Variants in FCHSD2 observed in about 807,000 individuals in gnomAD.
FCHSD2 encodes the protein FCH and double SH3 domains 2.
Under a neutral mutation model 108.1 loss-of-function variants are expected in FCHSD2, and 38 were observed. That is an observed-to-expected ratio of 0.35 (90% CI 0.27 to 0.46). The LOEUF is 0.46. Among genes scored for constraint, FCHSD2 ranks in the 20% least tolerant of loss-of-function variants. FCHSD2 has a pLI of 1.00. For missense variants in FCHSD2, 751 were observed against 897.8 expected (o/e 0.84, Z 2.09); for synonymous variants, 279 against 314.7 (o/e 0.89, Z 1.20).
At chr11:73,047,222 A>G (rs565910593) in intron 3 of FCHSD2, among the ~76,000 whole-genome samples, 1 of 152,238 alleles carries the variant, frequency 6.6e-6, no homozygotes, top group South Asian at 2.1e-4. Flanking sequence ...TATTATTTGA[A>G]TTGTTAAAAC....
At chr11:72,991,507 T>C (rs1383939963) in intron 5 of FCHSD2, among the ~76,000 whole-genome samples, 1 of 152,140 alleles carries the variant, frequency 6.6e-6, no homozygotes, top group Non-Finnish European at 1.5e-5. Context: ...CAAAAGCTTA[T>C]CCACCATGAT....
At chr11:72,877,224 T>C (rs921351818) in intron 12 of FCHSD2, among the ~76,000 whole-genome samples, 1 of 152,094 alleles carries the variant, frequency 6.6e-6, no homozygotes, top group African/African-American at 2.4e-5. Flanking sequence ...TGTTCTCCTG[T>C]GATAAGCAAC....
At chr11:73,082,335 CAAAAAAAAAAAAAAAAAA>C (rs750423401) in intron 3 of FCHSD2, among the ~76,000 whole-genome samples, 4 of 34,462 alleles carry the variant, frequency 1.2e-4, no homozygotes, top group African/African-American at 3.2e-4. Context: ...AGACTTGTCC[CAAAAAAAAAAAAAAAAAA>C]AAAAAAAAAG....
chr11:73,141,964 A>T lies in FCHSD2; in HGVS notation c.-87T>A, dbSNP rs1861259781. The T allele has an allele frequency of 3.7e-6, 5 of 1,348,464 alleles. No individual in the cohort carries two copies. The highest frequency in any genetic ancestry group is 5.1e-6 in the Non-Finnish European group (5 of 987,614). 83.5% of individuals were successfully genotyped at this position (1,348,464 alleles called of 1,614,324 possible). A position where few individuals can be genotyped will look rare whatever the true frequency, so the allele number is the denominator to read the frequency against. On this transcript the variant is annotated 5_prime_UTR_variant, in exon 1 of 20. Transcript: ENST00000409418. The stretch of plus-strand genomic sequence containing the variant: ...AGGGCCGGAGAGGAGGGGACGGCCC[A>T]GCGAGCGCGCGCGTGTGTGAAAGGA...
intron 13 of FCHSD2, among the ~76,000 whole-genome samples, chr11:72,853,538 C>T (rs1016039951): frequency 6.6e-6 from 1 of 152,074 alleles, no homozygotes; most frequent in African/African-American, 2.4e-5. Context: ...CCTCAGCCTC[C>T]CAAGTAGCTG....
intron 9 of FCHSD2, among the ~76,000 whole-genome samples, chr11:72,918,254 C>T (rs1302024565): frequency 1.3e-5 from 2 of 151,722 alleles, no homozygotes; most frequent in African/African-American, 2.4e-5. Context: ...TTATATGTTG[C>T]TAAATTTATT....
At chr11:73,122,177 CAA>C (rs544166742) in intron 2 of FCHSD2, among the ~76,000 whole-genome samples, 3 of 130,436 alleles carry the variant, frequency 2.3e-5, no homozygotes, top group Admixed American at 7.6e-5. Context: ...ACTTAAAAGG[CAA>C]AAAAAAAAAA....
chr11:72,972,002 C>T (rs1382664327), intron 8 of FCHSD2, among the ~76,000 whole-genome samples: 3 of 152,104 alleles, frequency 2.0e-5, no homozygotes, highest in African/African-American at 4.8e-5. Context: ...ACTCAACCAA[C>T]CCTATTTTAA....
At chr11:72,848,402 A>C (rs1382539795) in intron 14 of FCHSD2, among the ~76,000 whole-genome samples, 1 of 152,182 alleles carries the variant, frequency 6.6e-6, no homozygotes, top group African/African-American at 2.4e-5. Flanking sequence ...TTCTCACTGC[A>C]TCTAGAAAGG....
chr11:72,992,483 C>T (rs1857435983), intron 5 of FCHSD2, among the ~76,000 whole-genome samples: 1 of 152,170 alleles, frequency 6.6e-6, no homozygotes, highest in Non-Finnish European at 1.5e-5. Context: ...AAGCTGCAGG[C>T]ATCACACTAC....
intron 13 of FCHSD2, among the ~76,000 whole-genome samples, chr11:72,861,499 A>T (rs1861574879): frequency 6.6e-6 from 1 of 152,170 alleles, no homozygotes; most frequent in Non-Finnish European, 1.5e-5. Context: ...GCTTCCAGAA[A>T]CTTGAAGAGG....
intron 4 of FCHSD2, among the ~76,000 whole-genome samples, chr11:73,004,685 T>C (rs971538292): frequency 3.9e-5 from 6 of 152,202 alleles, no homozygotes; most frequent in Non-Finnish European, 8.8e-5. Flanking sequence ...TAAAACTGTT[T>C]ACATCACATC....
intron 16 of FCHSD2, 140 bp from the exon 17 acceptor site, chr11:72,842,981 A>G (rs1214414184): frequency 6.9e-6 from 6 of 868,388 alleles, no homozygotes; most frequent in African/African-American, 1.7e-5. Flanking sequence ...TCACTGATGA[A>G]TGATTAACTT....
intron 2 of FCHSD2, among the ~76,000 whole-genome samples, chr11:73,104,810 G>A (rs1464682519): frequency 2.6e-5 from 4 of 151,622 alleles, no homozygotes; most frequent in South Asian, 2.1e-4. Context: ...TCAGTGATCC[G>A]GCCTCCCAAA....
At chr11:73,043,545 T>C (rs1232083390) in intron 3 of FCHSD2, among the ~76,000 whole-genome samples, 1 of 152,206 alleles carries the variant, frequency 6.6e-6, no homozygotes. Flanking sequence ...GTACACAGTA[T>C]AGATAAAATA....
At chr11:73,130,602 A>G (rs1161738403) in intron 2 of FCHSD2, among the ~76,000 whole-genome samples, 1 of 152,198 alleles carries the variant, frequency 6.6e-6, no homozygotes. Flanking sequence ...ATGGCTTAGG[A>G]GCTAATAAAC....
chr11:72,874,058 G>C (rs1438991319), intron 12 of FCHSD2, among the ~76,000 whole-genome samples: 1 of 152,018 alleles, frequency 6.6e-6, no homozygotes, highest in Non-Finnish European at 1.5e-5. Flanking sequence ...CATATGATCT[G>C]GTGCTGCCCA....
intron 3 of FCHSD2, among the ~76,000 whole-genome samples, chr11:73,030,663 G>T (rs1161566166): frequency 1.3e-5 from 2 of 151,870 alleles, no homozygotes; most frequent in Non-Finnish European, 2.9e-5. Flanking sequence ...AACCAACAAA[G>T]AAAAATATAT....
intron 2 of FCHSD2, among the ~76,000 whole-genome samples, chr11:73,106,651 G>T (rs1350085947): frequency 6.6e-6 from 1 of 151,908 alleles, no homozygotes; most frequent in African/African-American, 2.4e-5. Context: ...ATAAAAAATG[G>T]ACCACATATA....
Sources: gnomAD v4.1 joint callset for allele counts (sites outside exome capture counted in the v4.1 genomes callset) on GRCh38, gnomAD v4.1.1 for gene constraint, MANE v1.5 for transcripts, NCBI Gene and HGNC (gene_info 2026-07-23, HGNC 2026-07-21) for gene names.